The following KCNIP1 variants were observed in gnomAD, a reference collection of about 807,000 sequenced individuals.
KCNIP1 encodes potassium voltage-gated channel interacting protein 1, also known as A-type potassium channel modulatory protein KCNIP1.
Under a neutral mutation model 33.0 loss-of-function variants are expected in KCNIP1, and 18 were observed. The ratio of observed to expected loss-of-function variants is 0.55; its 90% confidence interval spans 0.38 to 0.81. KCNIP1 has a LOEUF of 0.81. Ranked by LOEUF, KCNIP1 falls within the 30% of genes least tolerant of loss-of-function variation. KCNIP1 has a pLI of 0.00. For missense variants in KCNIP1, 238 were observed against 271.6 expected, an observed-to-expected ratio of 0.88 and a Z score of 0.87; for synonymous variants, 93 against 98.3, an observed-to-expected ratio of 0.95 and a Z score of 0.32.
intron 1 of KCNIP1, among the ~76,000 whole-genome samples, chr5:170,508,160 A>G (rs1207486077): frequency 6.6e-6 from 1 of 152,228 alleles, no homozygotes; most frequent in Non-Finnish European, 1.5e-5. Flanking sequence ...ATCCCACACT[A>G]CAGGGGTGGC....
chr5:170,645,536 C>T (rs1298989288), intron 1 of KCNIP1, among the ~76,000 whole-genome samples: 2 of 152,166 alleles, frequency 1.3e-5, no homozygotes, highest in African/African-American at 4.8e-5. Context: ...GAGGCCTTAA[C>T]ACCCCTCTAC....
chr5:170,633,479 ATCAGCCAGT>A (rs929678179), intron 1 of KCNIP1, among the ~76,000 whole-genome samples: 12 of 150,556 alleles, frequency 8.0e-5, no homozygotes, highest in African/African-American at 2.7e-4. Flanking sequence ...AGGAAGAAGA[ATCAGCCAGT>A]GCAGAGGCCT....
chr5:170,526,294 C>T (rs1368414498), intron 1 of KCNIP1, among the ~76,000 whole-genome samples: 1 of 152,178 alleles, frequency 6.6e-6, no homozygotes, highest in African/African-American at 2.4e-5. Context: ...TCAATAATGC[C>T]AGCTATGTTG....
intron 1 of KCNIP1, among the ~76,000 whole-genome samples, chr5:170,702,365 C>T (rs568228026): frequency 6.6e-6 from 1 of 152,344 alleles, no homozygotes; most frequent in African/African-American, 2.4e-5. Flanking sequence ...CCAGTAGCCA[C>T]ATCTGTACAT....
chr5:170,608,526 C>T (rs1561715368), intron 1 of KCNIP1, among the ~76,000 whole-genome samples: 1 of 152,174 alleles, frequency 6.6e-6, no homozygotes. Flanking sequence ...AATCCCAGCA[C>T]TTTGGGAGGC....
At chr5:170,689,602 A>G (rs1561766715) in intron 1 of KCNIP1, among the ~76,000 whole-genome samples, 1 of 152,248 alleles carries the variant, frequency 6.6e-6, no homozygotes, top group Non-Finnish European at 1.5e-5. Flanking sequence ...CTTCCAAAGA[A>G]GGCAGCATTT....
intron 5 of KCNIP1, among the ~76,000 whole-genome samples, chr5:170,731,865 T>TC (rs1282940337): frequency 5.9e-5 from 1 of 16,976 alleles, no homozygotes; most frequent in African/African-American, 2.2e-4. Context: ...AGAGCGAGAC[T>TC]CCGTCTCAAA....
chr5:170,599,648 C>T (rs1270533837), intron 1 of KCNIP1, among the ~76,000 whole-genome samples: 10 of 89,546 alleles, frequency 1.1e-4, no homozygotes, highest in Non-Finnish European at 2.0e-4. Context: ...TGGGGAAGAG[C>T]GAGAAGTTCC....
intron 1 of KCNIP1, among the ~76,000 whole-genome samples, chr5:170,465,710 A>G (rs1232957564): frequency 6.6e-6 from 1 of 152,182 alleles, no homozygotes; most frequent in Non-Finnish European, 1.5e-5. Context: ...TCTGAACCTT[A>G]TCTGGGTCCG....
rs1561699305 is a variant in KCNIP1 at position 170,582,833 on chromosome 5, GAACTGGA to G, written c.61+78201_61+78207del. Among the ~76,000 whole-genome samples the G allele has an allele frequency of 7.9e-5, 12 of 152,338 alleles. No homozygotes were observed. In the South Asian group the frequency reaches 2.5e-3, roughly 32 times the overall value. On this transcript the variant is annotated intron_variant, in intron 1 of 7. Coordinates refer to ENST00000328939, the MANE Select transcript of KCNIP1 (RefSeq NM_014592.4). ...TAAATGTGTGGGAGCAGTCAGCTGA[GAACTGGA>G]TGTTGAAGGATTGTACATTTTCTTG... is the stretch of plus-strand genomic sequence containing the variant.
At chr5:170,477,865 C>T (rs1756892270) in intron 1 of KCNIP1, among the ~76,000 whole-genome samples, 2 of 152,252 alleles carry the variant, frequency 1.3e-5, no homozygotes, top group African/African-American at 4.8e-5. Flanking sequence ...AGCGATGAAT[C>T]CCACACAGTC....
chr5:170,731,033 A>G (rs1764174786), intron 5 of KCNIP1, among the ~76,000 whole-genome samples: 2 of 152,232 alleles, frequency 1.3e-5, no homozygotes, highest in Non-Finnish European at 2.9e-5. Flanking sequence ...GCTCTTCCTT[A>G]CAGAAGAATT....
At chr5:170,575,625 G>A (rs1053662484) in intron 1 of KCNIP1, among the ~76,000 whole-genome samples, 6 of 152,264 alleles carry the variant, frequency 3.9e-5, no homozygotes, top group Middle Eastern at 3.4e-3. Flanking sequence ...CCTTTAGGCT[G>A]TGCTCTGCAG....
At position 170,523,618 on chromosome 5, in the gene KCNIP1, C is replaced by T. The variant is rs191384298; in HGVS notation, c.61+18985C>T. On this transcript the variant is annotated intron_variant, in intron 1 of 7. Transcript: ENST00000328939. ...CCCACTCCCTTACAGGAGGGGGTCC[C>T]CAGAGTTCTGACCTAATCCCTCTTC... Among the ~76,000 whole-genome samples, 4 of 152,226 alleles carry T rather than the reference C, an allele frequency of 2.6e-5. No homozygotes were observed. In the East Asian group the frequency reaches 5.8e-4, roughly 22 times the overall value.
chr5:170,722,452 C>T (rs1447882991), intron 4 of KCNIP1, among the ~76,000 whole-genome samples: 1 of 152,028 alleles, frequency 6.6e-6, no homozygotes, highest in Non-Finnish European at 1.5e-5. Context: ...AAGGCAAAAA[C>T]AGGGCTGGCT....
Position 170,550,426 on chromosome 5 carries a change from A to T in KCNIP1, c.61+45793A>T, listed in dbSNP as rs1291476122. On this transcript the variant is annotated intron_variant, in intron 1 of 7. Transcript: ENST00000328939. Reference sequence around the variant, plus strand: ...CCAGTGAATGTTAACAGGAATGACGATGATGATTATGATGGTGATGATGAT... The same window carrying T: ...CCAGTGAATGTTAACAGGAATGACGTTGATGATTATGATGGTGATGATGAT... Among the ~76,000 whole-genome samples, 4 of 152,332 alleles carry T rather than the reference A, an allele frequency of 2.6e-5. No homozygotes were observed. In the East Asian group the frequency reaches 5.8e-4, roughly 22 times the overall value.
At chr5:170,533,127 TTCTGGAGGCAGTCAGCGTG>T (rs1160353172) in intron 1 of KCNIP1, among the ~76,000 whole-genome samples, 21 of 152,324 alleles carry the variant, frequency 1.4e-4, no homozygotes, top group Admixed American at 1.3e-3. Context: ...GTTCCCTGCT[TTCTGGAGGCAGTCAGCGTG>T]GAACACCCTG....
At chr5:170,605,244 CCT>C (rs766837784) in intron 1 of KCNIP1, among the ~76,000 whole-genome samples, 19 of 152,130 alleles carry the variant, frequency 1.2e-4, no homozygotes, top group African/African-American at 3.6e-4. Flanking sequence ...CATCTGAGTC[CCT>C]CTGTCCTCAC....
At chr5:170,397,249 A>T (rs1361068672) in intron 1 of KCNIP1, among the ~76,000 whole-genome samples, 1 of 152,206 alleles carries the variant, frequency 6.6e-6, no homozygotes, top group Non-Finnish European at 1.5e-5. Context: ...GCGGCTTAGC[A>T]TTCTATTTTT....
Sources: gnomAD v4.1 joint callset for allele counts (sites outside exome capture counted in the v4.1 genomes callset) on GRCh38, gnomAD v4.1.1 for gene constraint, MANE v1.5 for transcripts, NCBI Gene and HGNC (gene_info 2026-07-23, HGNC 2026-07-21) for gene names.